The following NEDD4 variants were observed in gnomAD, a reference collection of about 807,000 sequenced individuals.
The protein encoded by NEDD4 is E3 ubiquitin-protein ligase NEDD4.
A neutral mutation model predicts 144.9 loss-of-function variants in NEDD4; 99 were observed. The observed-to-expected ratio is 0.68, with a 90% CI of 0.58 to 0.81. The LOEUF (loss-of-function observed/expected upper bound fraction) is 0.81, where lower values mean the gene tolerates loss of function less well. Among genes scored for constraint, NEDD4 ranks in the 30% least tolerant of loss-of-function variants. The probability of loss-of-function intolerance (pLI) is 0.00; values close to 1 mark genes in which losing one functional copy is unlikely to be tolerated. For missense variants in NEDD4, 985 were observed against 1,065.9 expected (o/e 0.92, Z 1.06); for synonymous variants, 318 against 350.6 (o/e 0.91, Z 1.04).
intron 2 of NEDD4, among the ~76,000 whole-genome samples, chr15:55,961,629 C>T (rs753311890): frequency 3.9e-5 from 6 of 152,086 alleles, no homozygotes; most frequent in Non-Finnish European, 8.8e-5. Flanking sequence ...CACCACCACA[C>T]CCGGATAATT....
At chr15:55,861,443 A>C (rs114709965) in intron 9 of NEDD4, among the ~76,000 whole-genome samples, 1 of 152,192 alleles carries the variant, frequency 6.6e-6, no homozygotes, top group Non-Finnish European at 1.5e-5. Context: ...ATTAAAAAAA[A>C]CAGAAAGAAT....
At chr15:55,862,567 T>G (rs1256725969) in intron 9 of NEDD4, among the ~76,000 whole-genome samples, 1 of 152,124 alleles carries the variant, frequency 6.6e-6, no homozygotes, top group Non-Finnish European at 1.5e-5. Context: ...AAATTAACAT[T>G]TTATTACATT....
At chr15:55,922,313 T>C (rs7175317) in intron 5 of NEDD4, among the ~76,000 whole-genome samples, 22,017 of 152,202 alleles carry the variant, frequency 0.14, 1,731 homozygotes, top group East Asian at 0.35. Context: ...GGAATGTCTA[T>C]AGAGATATAC....
At chr15:55,924,542 C>T (rs1260667377) in intron 5 of NEDD4, 104 bp downstream of exon 5, 2 of 983,588 alleles carry the variant, frequency 2.0e-6, no homozygotes, top group Non-Finnish European at 3.1e-6. Context: ...CCATAACCAC[C>T]CCCAAGCCAT....
chr15:55,916,034 T>A, intron 5 of NEDD4: 1 of 1,613,908 alleles, frequency 6.2e-7, no homozygotes, highest in East Asian at 2.2e-5. Flanking sequence ...GAAAAATGAC[T>A]AAGGAGGAGT....
chr15:55,966,326 T>A, intron 2 of NEDD4, 147 bp downstream of exon 2: 1 of 552,332 alleles, frequency 1.8e-6, no homozygotes, highest in Admixed American at 3.9e-5. Flanking sequence ...ACCAAGAGAT[T>A]TAGTAAACCA....
At chr15:55,856,259 G>T in intron 11 of NEDD4, 63 bp from the exon 12 acceptor site, 1 of 1,415,764 alleles carries the variant, frequency 7.1e-7, no homozygotes, top group Non-Finnish European at 9.9e-7. Flanking sequence ...TTGAGTGACA[G>T]CTAAGGTAGT....
chr15:55,937,970 G>A lies in NEDD4; in HGVS notation c.238-13271C>T, dbSNP rs376399663. On this transcript the variant is annotated intron_variant, in intron 4 of 28. Transcript: ENST00000435532. Reference sequence around the variant, plus strand: ...CACAGGAATTAAGACAGACAGAGACGGATGAAATAGATAGCTCAAAAATAA... The same window carrying A: ...CACAGGAATTAAGACAGACAGAGACAGATGAAATAGATAGCTCAAAAATAA... Among the ~76,000 whole-genome samples the A allele has an allele frequency of 2.4e-4, 36 of 152,252 alleles. No individual in the cohort carries two copies. The East Asian group carries it at 4.4e-3, about 19-fold the overall frequency.
At position 55,834,158 on chromosome 15, in the gene NEDD4, T is replaced by C. The variant is rs2033087868; in HGVS notation, c.2323-13A>G. The C allele has an allele frequency of 5.6e-6, 9 of 1,610,974 alleles. No homozygotes were observed. Among genetic ancestry groups the C allele is most frequent in the African/African-American group, 1.3e-5 (1 of 74,820 alleles). On this transcript the variant is annotated splice_polypyrimidine_tract_variant and intron_variant, in intron 25 of 28. Coordinates refer to ENST00000435532, the MANE Select transcript of NEDD4 (RefSeq NM_006154.4). ...CACACATAAGAAGCTACATAAGAAATGTCAAATTATAAACAAGGAAAATAA... is the reference window on the plus strand; with the variant it reads ...CACACATAAGAAGCTACATAAGAAACGTCAAATTATAAACAAGGAAAATAA...
intron 5 of NEDD4, among the ~76,000 whole-genome samples, chr15:55,914,132 CA>C (rs1345192484): frequency 2.0e-5 from 3 of 151,140 alleles, no homozygotes; most frequent in African/African-American, 7.3e-5. Context: ...TTATATTTAC[CA>C]GATTTCAGAA....
At chr15:55,954,240 A>C (rs1231180427) in intron 2 of NEDD4, among the ~76,000 whole-genome samples, 1 of 152,022 alleles carries the variant, frequency 6.6e-6, no homozygotes, top group African/African-American at 2.4e-5. Context: ...TCTACGACAC[A>C]TCTCTTCTAG....
intron 5 of NEDD4, among the ~76,000 whole-genome samples, chr15:55,877,155 C>A (rs1367500999): frequency 6.6e-6 from 1 of 152,200 alleles, no homozygotes; most frequent in African/African-American, 2.4e-5. Context: ...ATTAACTACT[C>A]TACAGACTTG....
intron 12 of NEDD4, among the ~76,000 whole-genome samples, chr15:55,852,822 T>C (rs142994143): frequency 0.066 from 10,037 of 151,886 alleles, 432 homozygotes; most frequent in Non-Finnish European, 0.098. Context: ...TGATCTCGGC[T>C]CACTGCAACC....
In NEDD4 at chr15:55,933,298, A is replaced by G. The variant is rs532387287; in HGVS notation, c.238-8599T>C. On this transcript the variant is annotated intron_variant, in intron 4 of 28. Transcript: ENST00000435532. ...ACCAACCCAAATGTCCATCAATGAT[A>G]GACTGGATTAAGAAAATGTGGCAGA... is the stretch of plus-strand genomic sequence containing the variant. 6.4e-4 allele frequency among the ~76,000 whole-genome samples: 98 copies of G among 152,202 alleles called. 1 individual carries two copies. The highest frequency in any genetic ancestry group is 3.7e-3 in the South Asian group (18 of 4,818).
rs556997746 is a variant in NEDD4, at chr15:55,827,868, C to T, written c.*2029G>A. On this transcript the variant is annotated 3_prime_UTR_variant, in exon 29 of 29. Transcript: ENST00000435532. ...TCTGACGGTCAGCACAAAGCACCTT[C>T]TGATTGTATAACACTTTACAAAGTA... 6.6e-6 allele frequency: 1 copy of T among 152,310 alleles called. No homozygotes were observed. The highest frequency in any genetic ancestry group is 1.5e-5 in the Non-Finnish European group (1 of 68,020). 9.4% of individuals were successfully genotyped at this position (152,310 alleles called of 1,614,324 possible). A position where few individuals can be genotyped will look rare whatever the true frequency, so the allele number is the denominator to read the frequency against.
intron 1 of NEDD4, among the ~76,000 whole-genome samples, chr15:55,976,381 A>C (rs1474274119): frequency 6.6e-6 from 1 of 152,104 alleles, no homozygotes; most frequent in East Asian, 1.9e-4. Flanking sequence ...AATAGGAAAA[A>C]CTCCAATAAT....
At chr15:55,848,295 T>C (rs2033832092) in intron 17 of NEDD4, 77 bp downstream of exon 17, 1 of 1,378,532 alleles carries the variant, frequency 7.3e-7, no homozygotes. Flanking sequence ...CCTGTAGGGT[T>C]ATGCCCGTGA....
chr15:55,986,779 T>C (rs1336308228), intron 1 of NEDD4, among the ~76,000 whole-genome samples: 1 of 150,952 alleles, frequency 6.6e-6, no homozygotes, highest in South Asian at 2.1e-4. Flanking sequence ...GTATTTTTAG[T>C]GGAGATGGGG....
At chr15:55,976,576 A>G (rs1347838665) in intron 1 of NEDD4, among the ~76,000 whole-genome samples, 1 of 152,092 alleles carries the variant, frequency 6.6e-6, no homozygotes, top group South Asian at 2.1e-4. Flanking sequence ...GCAATAACAA[A>G]TGCTGGCAAG....
Sources: gnomAD v4.1 joint callset for allele counts (sites outside exome capture counted in the v4.1 genomes callset) on GRCh38, gnomAD v4.1.1 for gene constraint, MANE v1.5 for transcripts, NCBI Gene and HGNC (gene_info 2026-07-23, HGNC 2026-07-21) for gene names.